PIK3C2B: variants seen among roughly 807,000 people sequenced by gnomAD.
PIK3C2B encodes phosphatidylinositol-4-phosphate 3-kinase catalytic subunit type 2 beta.
In PIK3C2B, 83 loss-of-function variants were observed where a neutral mutation model predicts 184.3. The ratio of observed to expected loss-of-function variants is 0.45; its 90% CI spans 0.38 to 0.54. PIK3C2B has a LOEUF of 0.54. Ranked by LOEUF, PIK3C2B falls within the 20% of genes least tolerant of loss-of-function variation. PIK3C2B has a pLI of 0.00. For synonymous variants in PIK3C2B, 779 were observed against 837.6 expected, an observed-to-expected ratio of 0.93 and a Z score of 1.21; for missense variants, 1,736 against 2,113.5, an observed-to-expected ratio of 0.82 and a Z score of 3.50.
At chr1:204,454,928 G>A in intron 11 of PIK3C2B, 137 bp from the exon 12 acceptor site, 1 of 919,092 alleles carries the variant, frequency 1.1e-6, no homozygotes, top group Non-Finnish European at 1.6e-6. Flanking sequence ...AGGATCTCCG[G>A]ATAGGACAGC....
intron 1 of PIK3C2B, among the ~76,000 whole-genome samples, chr1:204,477,355 CAAG>C (rs1558279874): frequency 6.6e-6 from 1 of 152,110 alleles, no homozygotes. Context: ...CTCAGGAAGA[CAAG>C]AAGACCTGGG....
At chr1:204,456,762 C>G (rs1281258085) in intron 10 of PIK3C2B, among the ~76,000 whole-genome samples, 1 of 151,888 alleles carries the variant, frequency 6.6e-6, no homozygotes, top group Non-Finnish European at 1.5e-5. Flanking sequence ...ACACTTCTAC[C>G]CCCTCATCAT....
In PIK3C2B at chr1:204,464,590, G is replaced by A; in HGVS notation, c.1049C>T (p.Ser350Phe). ...AGTGAGGAAGTAGTCTTGGATGTCAGAGCCAGATCGAAGGCTGTACAGGAA... is the reference window on the plus strand; with the variant it reads ...AGTGAGGAAGTAGTCTTGGATGTCAAAGCCAGATCGAAGGCTGTACAGGAA... The part of the protein sequence containing the change: ...CHMLDILRSG[S>F]DIQDYFLTGY... Residue 350 changes from serine to phenylalanine, a missense_variant, in exon 4 of 33, where the codon TCT (serine) becomes TTT (phenylalanine). Transcript: ENST00000684373. 6.2e-7 allele frequency: 1 copy of A among 1,614,076 alleles called. No homozygotes were observed. Among genetic ancestry groups the A allele is most frequent in the Non-Finnish European group, 8.5e-7 (1 of 1,179,992 alleles).
intron 1 of PIK3C2B, among the ~76,000 whole-genome samples, chr1:204,477,960 T>C (rs147647985): frequency 1.2e-4 from 19 of 152,338 alleles, no homozygotes; most frequent in Admixed American, 1.2e-3. Flanking sequence ...AAGAAGGTAC[T>C]GCATGTCTTG....
chr1:204,450,179 G>T, intron 12 of PIK3C2B, 162 bp from the exon 13 acceptor site: 1 of 594,248 alleles, frequency 1.7e-6, no homozygotes, highest in Non-Finnish European at 2.9e-6. Flanking sequence ...ACCAGGAGAG[G>T]TCCCAAACTA....
intron 12 of PIK3C2B, among the ~76,000 whole-genome samples, chr1:204,453,297 T>C (rs1654528505): frequency 6.6e-6 from 1 of 152,190 alleles, no homozygotes; most frequent in African/African-American, 2.4e-5. Context: ...ACCCCTGCGG[T>C]GCCCCCATTC....
At chr1:204,455,678 C>T (rs1036355909) in intron 11 of PIK3C2B, among the ~76,000 whole-genome samples, 178 bp downstream of exon 11, 1 of 152,194 alleles carries the variant, frequency 6.6e-6, no homozygotes, top group African/African-American at 2.4e-5. Context: ...CTAGGATGTC[C>T]CCAGCCCAAG....
chr1:204,478,831 G>A (rs1481327222), intron 1 of PIK3C2B, among the ~76,000 whole-genome samples: 1 of 152,214 alleles, frequency 6.6e-6, no homozygotes, highest in Non-Finnish European at 1.5e-5. Flanking sequence ...CTGGGTCCTA[G>A]ACAATCAGAG....
At position 204,439,024 on chromosome 1, in the gene PIK3C2B, C is replaced by G; in HGVS notation, c.3427G>C (p.Val1143Leu). ...PNAETLRKIQVEHGVTGSFKD... is the reference protein window; with the variant it reads ...PNAETLRKIQLEHGVTGSFKD... ...AACGAGCCGGTCACCCCATGCTCCA[C>G]CTGGATCTTACGCAGGGTCTCAGCA... Residue 1143 changes from valine to leucine, a missense_variant, in exon 23 of 33, where the codon GTG (valine) becomes CTG (leucine). By Grantham distance (32) the Val-to-Leu change is conservative. Around this residue, in one of 8 missense-constraint regions of PIK3C2B, gnomAD observed 289 missense variants for 380.4 expected, o/e 0.76. Coordinates refer to ENST00000684373, the MANE Select transcript of PIK3C2B (RefSeq NM_001377334.1). 3 of 1,614,122 alleles carry G rather than the reference C, an allele frequency of 1.9e-6. No individual in the cohort carries two copies. The highest frequency in any genetic ancestry group is 1.7e-6 in the Non-Finnish European group (2 of 1,180,034).
intron 2 of PIK3C2B, among the ~76,000 whole-genome samples, chr1:204,468,026 C>G (rs1352464627): frequency 6.6e-6 from 1 of 151,986 alleles, no homozygotes; most frequent in African/African-American, 2.4e-5. Flanking sequence ...GGGGCTTTGA[C>G]CTAGATAGTT....
In PIK3C2B at chr1:204,431,661, G is replaced by T. The variant is rs376961889; in HGVS notation, c.4280+8C>A. ...TCCCTCTGTGCAGATAGTAAAGGGG[G>T]CAGCTACCTGGGCAAGTGGGAAGAA... On this transcript the variant is annotated splice_region_variant and intron_variant, in intron 28 of 32. Coordinates refer to ENST00000684373, the MANE Select transcript of PIK3C2B (RefSeq NM_001377334.1). 6.2e-7 allele frequency: 1 copy of T among 1,613,780 alleles called. No individual in the cohort carries two copies. The highest frequency in any genetic ancestry group is 8.5e-7 in the Non-Finnish European group (1 of 1,180,034).
rs540457208 is a variant in PIK3C2B at position 204,457,651 on chromosome 1, C to A, written c.1713+77G>T. On this transcript the variant is annotated intron_variant, in intron 9 of 32. Transcript: ENST00000684373. ...TTTTTAGTGAGTGAACACCTACACA[C>A]TCTAGCAACAGGCAACTCAGTTACC... The A allele has an allele frequency of 8.9e-5, 127 of 1,431,098 alleles. 1 individual carries two copies. The South Asian group carries it at 1.8e-3, about 20-fold the overall frequency. The allele number at this position is 1,431,098 out of a possible 1,614,324, so 88.6% of individuals were successfully genotyped here. A position where few individuals can be genotyped will look rare whatever the true frequency, so the allele number is the denominator to read the frequency against.
chr1:204,424,528 A>AAG lies in PIK3C2B; in HGVS notation c.*323_*324insCT. On this transcript the variant is annotated 3_prime_UTR_variant, in exon 33 of 33. Coordinates refer to ENST00000684373, the MANE Select transcript of PIK3C2B (RefSeq NM_001377334.1). Reference sequence around the variant, plus strand: ...AGATATCCACCCACCCACCCCCAAAATGCTACTTCATACAGCCCACCCCAC... The same window carrying AAG: ...AGATATCCACCCACCCACCCCCAAAAAGTGCTACTTCATACAGCCCACCCCAC... 2.9e-6 allele frequency: 1 copy of AAG among 348,970 alleles called. No individual in the cohort carries two copies. The highest frequency in any genetic ancestry group is 2.8e-5 in the South Asian group (1 of 35,568). 21.6% of individuals were successfully genotyped at this position (348,970 alleles called of 1,614,324 possible).
At chr1:204,434,403 C>T (rs1558234549) in intron 24 of PIK3C2B, 36 bp downstream of exon 24, 1 of 1,600,742 alleles carries the variant, frequency 6.2e-7, no homozygotes, top group East Asian at 2.2e-5. Context: ...ACCTCCTTGC[C>T]CTTCACTCAC....
Position 204,465,290 on chromosome 1 carries a change from A to G in PIK3C2B, c.963T>C (p.Asn321=), listed in dbSNP as rs1273610602. Residue 321 remains asparagine, a synonymous_variant, in exon 3 of 33, where the codon AAT becomes AAC. Coordinates refer to ENST00000684373, the MANE Select transcript of PIK3C2B (RefSeq NM_001377334.1). ...PVGSRPHTVA[N]GHELFEVSEE... The stretch of plus-strand genomic sequence containing the variant: ...CTGAGACCTCAAACAACTCATGGCC[A>G]TTGGCAACAGTGTGGGGCCGGGAGC... The G allele has an allele frequency of 6.2e-7, 1 of 1,611,986 alleles. No individual in the cohort carries two copies. Among genetic ancestry groups the G allele is most frequent in the Admixed American group, 1.7e-5 (1 of 59,918 alleles).
chr1:204,455,143 G>C (rs1654726896), intron 11 of PIK3C2B, among the ~76,000 whole-genome samples: 1 of 152,262 alleles, frequency 6.6e-6, no homozygotes, highest in Non-Finnish European at 1.5e-5. Flanking sequence ...CAAGTGAGAA[G>C]GGTGGGGGAG....
chr1:204,493,588 C>T (rs1658161710), intron 1 of PIK3C2B, among the ~76,000 whole-genome samples: 1 of 149,876 alleles, frequency 6.7e-6, no homozygotes, highest in Non-Finnish European at 1.5e-5. Flanking sequence ...TGTGCACTAA[C>T]CTCATACATT....
chr1:204,449,556 C>T (rs897465240), intron 13 of PIK3C2B, among the ~76,000 whole-genome samples: 1 of 152,166 alleles, frequency 6.6e-6, no homozygotes, highest in Non-Finnish European at 1.5e-5. Context: ...GGAGGCTGGG[C>T]TAGATGACCT....
Position 204,447,464 on chromosome 1 carries a change from C to G in PIK3C2B, c.2461G>C (p.Asp821His). 6.2e-7 allele frequency: 1 copy of G among 1,613,862 alleles called. No homozygotes were observed. The highest frequency in any genetic ancestry group is 8.5e-7 in the Non-Finnish European group (1 of 1,179,942). Residue 821 changes from aspartate to histidine, a missense_variant, in exon 15 of 33, where the codon GAC (aspartate) becomes CAC (histidine). Asp to His is a moderately conservative substitution (Grantham distance 81). This residue lies in a region of PIK3C2B where 609 missense variants were observed against 699.2 expected (regional missense o/e 0.87). Transcript: ENST00000684373. This position sits in a 1 kb window ranked among gnomAD's most constrained non-coding sequence, Gnocchi z 4.1. ...TACAAGGACTCTTTCTGCATGATGT[C>G]TTTAAGCTTGCGCTGGTCTTCTTCC... ...LREEDQRKLK[D>H]IMQKESLYWL...
Sources: allele counts gnomAD v4.1 joint callset (sites outside exome capture counted in the v4.1 genomes callset), GRCh38; gene constraint gnomAD v4.1.1; regional missense constraint gnomAD v4.1.1; non-coding constraint Gnocchi (gnomAD v3.1); transcripts MANE v1.5; gene names NCBI Gene and HGNC (gene_info 2026-07-23, HGNC 2026-07-21).